Variants in TUBB observed in about 807,000 individuals in gnomAD.
The protein encoded by TUBB is tubulin beta class I, also known as tubulin beta chain.
TUBB carries 2 observed loss-of-function variants against 35.1 expected under a neutral mutation model. The observed-to-expected ratio is 0.06, with a 90% CI of 0.02 to 0.18. The LOEUF (loss-of-function observed/expected upper bound fraction) is 0.18, where lower values mean the gene tolerates loss of function less well. Among genes scored for constraint, TUBB ranks in the 10% least tolerant of loss-of-function variants. The pLI, the probability that TUBB is intolerant of heterozygous loss-of-function variation, is 1.00. For missense variants in TUBB, 50 were observed against 599.4 expected (o/e 0.08, Z 9.57); for synonymous variants, 205 against 223.8 (o/e 0.92, Z 0.75).
At chr6:30,722,702 G>A (rs1406665947) in intron 2 of TUBB, 57 bp downstream of exon 2, 2 of 1,451,920 alleles carry the variant, frequency 1.4e-6, no homozygotes, top group East Asian at 2.3e-5. Context: ...ACTTATCTGG[G>A]ATCTCTTTCC....
Position 30,722,658 on chromosome 6 carries a change from G to A in TUBB, c.166+13G>A. 1 of 1,607,572 alleles carries A rather than the reference G, an allele frequency of 6.2e-7. No individual in the cohort carries two copies. Among genetic ancestry groups the A allele is most frequent in the South Asian group, 1.1e-5 (1 of 90,848 alleles). Reference sequence around the variant, plus strand: ...AATGAAGCCACAGGTAAGGGCAGGAGCCCGGGCAGCTCAGGTTCCCTTCCC... The same window carrying A: ...AATGAAGCCACAGGTAAGGGCAGGAACCCGGGCAGCTCAGGTTCCCTTCCC... On this transcript the variant is annotated intron_variant, in intron 2 of 3. Coordinates refer to ENST00000327892, the MANE Select transcript of TUBB (RefSeq NM_178014.4).
chr6:30,721,149 T>G (rs1462078391), intron 1 of TUBB, among the ~76,000 whole-genome samples: 2 of 152,234 alleles, frequency 1.3e-5, no homozygotes, highest in African/African-American at 4.8e-5. Flanking sequence ...AAGAACGGGA[T>G]TAATTTTACT....
In TUBB at chr6:30,723,440, C is replaced by T. The variant is rs147158826; in HGVS notation, c.378C>T (p.Ser126=). 3.2e-5 allele frequency: 51 copies of T among 1,614,068 alleles called. No individual in the cohort carries two copies. The highest frequency in any genetic ancestry group is 3.7e-5 in the Non-Finnish European group (44 of 1,180,006). ...VLDVVRKEAE[S]CDCLQGFQLT... is the part of the protein sequence containing the mutation. ...ATGTGGTACGGAAGGAGGCAGAGAG[C>T]TGTGACTGCCTGCAGGGCTTCCAGC... The change falls in exon 4 of 4, where the codon AGC becomes AGT. Residue 126 remains serine (S), a synonymous_variant. Coordinates refer to ENST00000327892, the MANE Select transcript of TUBB (RefSeq NM_178014.4).
chr6:30,721,207 T>C (rs775658632), intron 1 of TUBB, among the ~76,000 whole-genome samples: 6 of 152,322 alleles, frequency 3.9e-5, no homozygotes, highest in East Asian at 1.9e-4. Flanking sequence ...TGAACAGATA[T>C]GTCGAGAAAA....
rs764135305 is a variant in TUBB, at chr6:30,724,310, C to T, written c.1248C>T (p.Asn416=). The T allele has an allele frequency of 2.3e-5, 37 of 1,613,102 alleles. No homozygotes were observed. The highest frequency in any genetic ancestry group is 2.0e-4 in the African/African-American group (15 of 74,900). ...TCACCGAGGCTGAGAGCAACATGAACGACCTCGTCTCTGAGTATCAGCAGT... is the reference window on the plus strand; with the variant it reads ...TCACCGAGGCTGAGAGCAACATGAATGACCTCGTCTCTGAGTATCAGCAGT... The part of the protein sequence containing the change: ...MEFTEAESNM[N]DLVSEYQQYQ... The change falls in exon 4 of 4, where the codon AAC becomes AAT. Residue 416 remains asparagine, a synonymous_variant. Transcript: ENST00000327892. The surrounding 1 kb of genome is among the most constrained non-coding windows in gnomAD (Gnocchi z 4.4).
At chr6:30,721,496 G>T (rs776164799) in intron 1 of TUBB, 1 of 960,852 alleles carries the variant, frequency 1.0e-6, no homozygotes, top group Non-Finnish European at 1.2e-6. Flanking sequence ...GCGCTACCTT[G>T]GGCCCCGCCC....
At chr6:30,722,765 C>T (rs1329769927) in intron 2 of TUBB, 120 bp downstream of exon 2, 20 of 1,130,532 alleles carry the variant, frequency 1.8e-5, no homozygotes, top group African/African-American at 3.1e-5. Context: ...TTGTCCCTTT[C>T]GTGAACCACC....
intron 1 of TUBB, among the ~76,000 whole-genome samples, chr6:30,720,908 G>GT (rs1354895121): frequency 6.6e-6 from 1 of 152,268 alleles, no homozygotes; most frequent in Non-Finnish European, 1.5e-5. Flanking sequence ...GCGGGGCGAG[G>GT]TTTTGCCCAT....
chr6:30,721,439 C>A (rs1776234578), intron 1 of TUBB: 1 of 509,048 alleles, frequency 2.0e-6, no homozygotes, highest in Non-Finnish European at 2.5e-6. Context: ...GGGGCCGGGG[C>A]GCCGTGGGCG....
chr6:30,722,877 C>G (rs1474804135), intron 2 of TUBB, 41 bp from the exon 3 acceptor site: 1 of 1,536,562 alleles, frequency 6.5e-7, no homozygotes, highest in East Asian at 2.3e-5. Flanking sequence ...TAAACCTTCC[C>G]TTCTGCCAGA....
Position 30,724,334 on chromosome 6 carries a change from G to A in TUBB, c.1272G>A (p.Gln424=). 6.2e-7 allele frequency: 1 copy of A among 1,612,910 alleles called. No homozygotes were observed. Among genetic ancestry groups the A allele is most frequent in the Non-Finnish European group, 8.5e-7 (1 of 1,179,870 alleles). Reference sequence around the variant, plus strand: ...ACGACCTCGTCTCTGAGTATCAGCAGTACCAGGATGCCACCGCAGAAGAGG... The same window carrying A: ...ACGACCTCGTCTCTGAGTATCAGCAATACCAGGATGCCACCGCAGAAGAGG... ...NMNDLVSEYQ[Q]YQDATAEEEE... is the part of the protein sequence containing the mutation. Residue 424 remains glutamine (Q), a synonymous_variant, in exon 4 of 4, where the codon CAG becomes CAA. Coordinates refer to ENST00000327892, the MANE Select transcript of TUBB (RefSeq NM_178014.4). This position sits in a 1 kb window ranked among gnomAD's most constrained non-coding sequence, Gnocchi z 4.4.
At chr6:30,721,534 C>G in intron 1 of TUBB, 1 of 984,896 alleles carries the variant, frequency 1.0e-6, no homozygotes, top group East Asian at 1.1e-4. Context: ...TGTCCCTGGC[C>G]CCGCCCACGC....
chr6:30,720,683 T>C (rs1776158593), intron 1 of TUBB, 120 bp downstream of exon 1: 3 of 833,944 alleles, frequency 3.6e-6, no homozygotes, highest in Admixed American at 5.5e-5. Context: ...CCTCTCAAGT[T>C]TGTTACATTT....
At chr6:30,721,474 G>T (rs1468024801) in intron 1 of TUBB, 5 of 892,470 alleles carry the variant, frequency 5.6e-6, no homozygotes, top group African/African-American at 1.8e-5. Flanking sequence ...GGCGTTGCCC[G>T]CCGGCAGGGG....
intron 1 of TUBB, among the ~76,000 whole-genome samples, chr6:30,721,001 A>G (rs1409301889): frequency 6.6e-6 from 1 of 152,150 alleles, no homozygotes; most frequent in Non-Finnish European, 1.5e-5. Context: ...GGCTGCAGAG[A>G]GCTCCAGCGC....
intron 1 of TUBB, chr6:30,722,075 C>T (rs938598147): frequency 2.7e-4 from 51 of 186,984 alleles, no homozygotes; most frequent in African/African-American, 1.0e-3. Context: ...ATCGGTTGAG[C>T]CTGGGAGTTC....
rs531121259 is a variant in TUBB, at chr6:30,721,223, G to A, written c.57+660G>A. On this transcript the variant is annotated intron_variant, in intron 1 of 3. Coordinates refer to ENST00000327892, the MANE Select transcript of TUBB (RefSeq NM_178014.4). ...GAACAGATATGTCGAGAAAATGGGG[G>A]TGTGTGGTTTTCTTTAATGAGTCCC... 3.4e-3 allele frequency among the ~76,000 whole-genome samples: 522 copies of A among 152,352 alleles called. 5 individuals are homozygous for A. Among genetic ancestry groups the A allele is most frequent in the Middle Eastern group, 0.01 (3 of 294 alleles).
At position 30,724,459 on chromosome 6, in the gene TUBB, T is replaced by C. The variant is rs961437139; in HGVS notation, c.*62T>C. ...TTAGCCGTCTTACTCAACTGCCCCT[T>C]TCCTCTCCCTCAGAATTTGTGTTTG... On this transcript the variant is annotated 3_prime_UTR_variant, in exon 4 of 4. Transcript: ENST00000327892. This position sits in a 1 kb window ranked among gnomAD's most constrained non-coding sequence, Gnocchi z 4.4. 123 of 1,441,626 alleles carry C rather than the reference T, an allele frequency of 8.5e-5. No individual in the cohort carries two copies. The highest frequency in any genetic ancestry group is 1.1e-4 in the Non-Finnish European group (121 of 1,070,176). The allele number at this position is 1,441,626 out of a possible 1,614,324, so 89.3% of individuals were successfully genotyped here.
chr6:30,722,830 C>A, intron 2 of TUBB, 88 bp from the exon 3 acceptor site: 1 of 1,266,062 alleles, frequency 7.9e-7, no homozygotes, highest in Non-Finnish European at 1.1e-6. Flanking sequence ...AATGACAAGT[C>A]TCTGATCCCT....
Sources: allele counts gnomAD v4.1 joint callset (sites outside exome capture counted in the v4.1 genomes callset), GRCh38; gene constraint gnomAD v4.1.1; non-coding constraint Gnocchi (gnomAD v3.1); transcripts MANE v1.5; gene names NCBI Gene and HGNC (gene_info 2026-07-23, HGNC 2026-07-21).